PAGE2B: variants seen among roughly 807,000 people sequenced by gnomAD.
PAGE2B encodes the protein PAGE family member 2B, also known as putative G antigen family E member 3.
Under a neutral mutation model 7.6 loss-of-function variants are expected in PAGE2B, and 5 were observed. The observed-to-expected ratio is 0.66, with a 90% CI of 0.34 to 1.38. The LOEUF (loss-of-function observed/expected upper bound fraction) is 1.38, where lower values mean the gene tolerates loss of function less well. PAGE2B is among the 40% of genes most tolerant of loss of function. The pLI is 0.04. For synonymous variants in PAGE2B, 29 were observed against 26.7 expected, an observed-to-expected ratio of 1.09 and a Z score of -0.27; for missense variants, 70 against 78.4, an observed-to-expected ratio of 0.89 and a Z score of 0.41.
chrX:55,070,116 T>C (rs998843768), upstream of PAGE2B, among the ~76,000 whole-genome samples: 7 of 111,785 alleles, frequency 6.3e-5, no homozygotes, highest in Non-Finnish European at 9.4e-5. Context: ...CTAGTTCTTT[T>C]AATTGTGATG....
chrX:55,052,761 T>C, the PAGE2B span, among the ~76,000 whole-genome samples: 1 of 112,986 alleles, frequency 8.9e-6, no homozygotes, highest in South Asian at 3.6e-4. Flanking sequence ...GCTTCCCGGG[T>C]GAGGCGATGC....
chrX:55,069,208 C>A, the PAGE2B span, among the ~76,000 whole-genome samples: 2 of 111,314 alleles, frequency 1.8e-5, no homozygotes, highest in East Asian at 5.6e-4. Context: ...TTTGAGATAC[C>A]TTCCTTCTAT....
upstream of PAGE2B, among the ~76,000 whole-genome samples, chrX:55,072,234 G>A (rs1936457006): frequency 8.9e-6 from 1 of 112,360 alleles, no homozygotes; most frequent in African/African-American, 3.2e-5. Context: ...CTTAGAGGCT[G>A]ATGATCTTTG....
chrX:55,055,667 GTCT>G, the PAGE2B span: 2 of 127,390 alleles, frequency 1.6e-5, no homozygotes, highest in Non-Finnish European at 3.2e-5. Context: ...TGCTTTTTCC[GTCT>G]TCTTCTACTC....
the PAGE2B span, among the ~76,000 whole-genome samples, chrX:55,032,022 A>G: frequency 8.9e-6 from 1 of 111,855 alleles, no homozygotes; most frequent in Non-Finnish European, 1.9e-5. Context: ...ACTGTAATTT[A>G]TTTAAACACT....
chrX:55,057,875 G>A, the PAGE2B span, among the ~76,000 whole-genome samples: 1 of 111,761 alleles, frequency 8.9e-6, no homozygotes, highest in East Asian at 2.8e-4. Context: ...GCACTCTCTT[G>A]ACAGTTGTAG....
At chrX:55,066,438 A>C in the PAGE2B span, among the ~76,000 whole-genome samples, 2 of 112,256 alleles carry the variant, frequency 1.8e-5, no homozygotes, top group African/African-American at 6.5e-5. Context: ...TTCATATTGA[A>C]GAATGCCCTT....
chrX:55,032,988 C>G, the PAGE2B span, among the ~76,000 whole-genome samples: 1 of 111,247 alleles, frequency 9.0e-6, no homozygotes. Flanking sequence ...CTTTTAAACC[C>G]CCACACTGGA....
the PAGE2B span, among the ~76,000 whole-genome samples, chrX:55,049,297 G>C: frequency 1.8e-5 from 2 of 111,511 alleles, no homozygotes; most frequent in African/African-American, 6.5e-5. Context: ...CCAGGCTTTG[G>C]TATCAGGATG....
At chrX:55,058,144 T>G in the PAGE2B span, among the ~76,000 whole-genome samples, 1 of 110,917 alleles carries the variant, frequency 9.0e-6, no homozygotes, top group Non-Finnish European at 1.9e-5. Context: ...AGAATATTTA[T>G]GCTGATGTCA....
At chrX:55,069,026 T>C in the PAGE2B span, among the ~76,000 whole-genome samples, 1 of 111,795 alleles carries the variant, frequency 8.9e-6, no homozygotes, top group Non-Finnish European at 1.9e-5. Flanking sequence ...TGCATACACT[T>C]TATTTCTCTC....
chrX:55,039,278 A>C, the PAGE2B span, among the ~76,000 whole-genome samples: 16 of 111,322 alleles, frequency 1.4e-4, no homozygotes, highest in African/African-American at 4.9e-4. Flanking sequence ...GAATGACCCA[A>C]TTCATATAAT....
intron 3 of PAGE2B, among the ~76,000 whole-genome samples, chrX:55,076,917 A>G (rs1267512615): frequency 9.0e-6 from 1 of 111,493 alleles, no homozygotes; most frequent in African/African-American, 3.3e-5. Flanking sequence ...ACCTTTTTCC[A>G]GAGCTCCTGT....
chrX:55,061,068 G>T, the PAGE2B span, among the ~76,000 whole-genome samples: 1 of 111,071 alleles, frequency 9.0e-6, no homozygotes, highest in Non-Finnish European at 1.9e-5. Context: ...GGAACTGTGG[G>T]ATGGTAAGGG....
the PAGE2B span, among the ~76,000 whole-genome samples, chrX:55,048,712 T>C: frequency 2.7e-5 from 3 of 111,608 alleles, no homozygotes; most frequent in African/African-American, 9.8e-5. Flanking sequence ...TGGGCTGAGA[T>C]GATGGGGTTT....
the PAGE2B span, among the ~76,000 whole-genome samples, chrX:55,052,919 A>T: frequency 5.3e-5 from 6 of 112,646 alleles, no homozygotes; most frequent in Non-Finnish European, 1.9e-5. Flanking sequence ...AGCTGTTCCT[A>T]TTCGGCCATC....
intron 2 of PAGE2B, 42 bp downstream of exon 2, chrX:55,076,167 A>G: frequency 8.5e-7 from 1 of 1,170,148 alleles, no homozygotes; most frequent in Non-Finnish European, 1.2e-6. Context: ...AACACAATTT[A>G]TTTTAAGAAA....
intron 1 of PAGE2B, among the ~76,000 whole-genome samples, chrX:55,075,564 C>T (rs1936500830): frequency 9.0e-6 from 1 of 110,977 alleles, no homozygotes; most frequent in African/African-American, 3.3e-5. Flanking sequence ...CCGTGAGGAG[C>T]ATAACGTTCA....
At chrX:55,043,442 G>A in the PAGE2B span, among the ~76,000 whole-genome samples, 1 of 109,842 alleles carries the variant, frequency 9.1e-6, no homozygotes, top group African/African-American at 3.3e-5. Context: ...CTACACATTC[G>A]ACAAAGGACT....
Sources: gnomAD v4.1 joint callset for allele counts (sites outside exome capture counted in the v4.1 genomes callset) on GRCh38, gnomAD v4.1.1 for gene constraint, MANE v1.5 for transcripts, NCBI Gene and HGNC (gene_info 2026-07-23, HGNC 2026-07-21) for gene names.